The following HNF1B variants were observed in gnomAD, a reference collection of about 807,000 sequenced individuals.
HNF1B encodes hepatocyte nuclear factor 1-beta.
In HNF1B, 8 loss-of-function variants were observed where a neutral mutation model predicts 61.7. The ratio of observed to expected loss-of-function variants is 0.13; its 90% CI spans 0.08 to 0.23. The LOEUF (loss-of-function observed/expected upper bound fraction) is 0.23, where lower values mean the gene tolerates loss of function less well. Ranked by LOEUF, HNF1B falls within the 10% of genes least tolerant of loss-of-function variation. The pLI, the probability that HNF1B is intolerant of heterozygous loss-of-function variation, is 1.00. For synonymous variants in HNF1B, 314 were observed against 287.7 expected, an observed-to-expected ratio of 1.09 and a Z score of -0.93; for missense variants, 562 against 714.5, an observed-to-expected ratio of 0.79 and a Z score of 2.43.
Position 37,718,850 on chromosome 17 carries a change from T to C in HNF1B, c.1046-8187A>G, listed in dbSNP as rs752986909. Among the ~76,000 whole-genome samples, 9 of 152,378 alleles carry C rather than the reference T, an allele frequency of 5.9e-5. 1 individual carries two copies. The highest frequency in any genetic ancestry group is 6.5e-5 in the Admixed American group (1 of 15,300). On this transcript the variant is annotated intron_variant, in intron 4 of 8. Coordinates refer to ENST00000617811, the MANE Select transcript of HNF1B (RefSeq NM_000458.4). ...TAACCTATGCTTAAACTCTGACTGA[T>C]GACTCCACATCACTTTCACCTTTAG...
At position 37,686,841 on chromosome 17, in the gene HNF1B, C is replaced by T; in HGVS notation, c.*531G>A. 1 of 267,866 alleles carries T rather than the reference C, an allele frequency of 3.7e-6. No homozygotes were observed. The highest frequency in any genetic ancestry group is 4.5e-5 in the South Asian group (1 of 22,098). The allele number at this position is 267,866 out of a possible 1,614,324, so 16.6% of individuals were successfully genotyped here. A position where few individuals can be genotyped will look rare whatever the true frequency, so the allele number is the denominator to read the frequency against. The stretch of plus-strand genomic sequence containing the variant: ...TATACAGGGCAGAGGGGAGAGGACA[C>T]AGAGGGGAAATTGCACTTAATTACA... On this transcript the variant is annotated 3_prime_UTR_variant, in exon 9 of 9. Coordinates refer to ENST00000617811, the MANE Select transcript of HNF1B (RefSeq NM_000458.4).
At chr17:37,722,427 G>A (rs950738076) in intron 4 of HNF1B, among the ~76,000 whole-genome samples, 8 of 152,162 alleles carry the variant, frequency 5.3e-5, no homozygotes, top group Admixed American at 1.3e-4. Context: ...TCACACTGCC[G>A]GATAGTGACA....
chr17:37,699,006 A>G lies in HNF1B; in HGVS notation c.1653+70T>C, dbSNP rs192512489. The G allele has an allele frequency of 3.7e-5, 41 of 1,117,268 alleles. No homozygotes were observed. The African/African-American group carries it at 4.2e-4, about 11-fold the overall frequency. 69.2% of individuals were successfully genotyped at this position (1,117,268 alleles called of 1,614,324 possible). ...TCTGGCCGAGTCCATGCTTGCCACA[A>G]CCTCTGCACATCCATGGCCTTATCA... is the stretch of plus-strand genomic sequence containing the variant. On this transcript the variant is annotated intron_variant, in intron 8 of 8. Transcript: ENST00000617811.
chr17:37,691,241 G>A (rs2032192528), intron 8 of HNF1B, among the ~76,000 whole-genome samples: 1 of 152,186 alleles, frequency 6.6e-6, no homozygotes, highest in Admixed American at 6.5e-5. Flanking sequence ...AGAGAATTGA[G>A]GGTGAGGAAG....
chr17:37,740,330 C>A (rs1455153106), intron 1 of HNF1B, among the ~76,000 whole-genome samples: 2 of 152,136 alleles, frequency 1.3e-5, no homozygotes, highest in African/African-American at 4.8e-5. Flanking sequence ...AGGAGGCCCA[C>A]TGGAAAGTGG....
chr17:37,734,914 G>A (rs1364881612), intron 2 of HNF1B, among the ~76,000 whole-genome samples: 17 of 151,410 alleles, frequency 1.1e-4, no homozygotes, highest in Admixed American at 1.1e-3. Context: ...TCAGCCTCCT[G>A]AGTAGCTGGG....
chr17:37,728,777 G>T (rs1348544139), intron 4 of HNF1B: 2 of 152,660 alleles, frequency 1.3e-5, no homozygotes, highest in African/African-American at 2.4e-5. Context: ...TGCATGACTC[G>T]GGAGCCCTGT....
Position 37,704,911 on chromosome 17 carries a change from A to G in HNF1B, c.1339+6T>C, listed in dbSNP as rs535041745. The G allele has an allele frequency of 1.1e-5, 18 of 1,614,082 alleles. No homozygotes were observed. Among genetic ancestry groups the G allele is most frequent in the Admixed American group, 1.7e-5 (1 of 60,024 alleles). On this transcript the variant is annotated splice_donor_region_variant and intron_variant, in intron 6 of 8. Transcript: ENST00000617811. ...CCCAAGTTTTCCAACCAAGAATAGA[A>G]CTTACTTTGTGCAATTGCCATGACT...
intron 4 of HNF1B, among the ~76,000 whole-genome samples, chr17:37,712,794 G>A (rs1440631297): frequency 6.6e-6 from 1 of 152,166 alleles, no homozygotes; most frequent in Non-Finnish European, 1.5e-5. Context: ...TTTTGGATTA[G>A]AGGTAACATC....
chr17:37,695,014 C>A (rs1179680229), intron 8 of HNF1B, among the ~76,000 whole-genome samples: 1 of 152,196 alleles, frequency 6.6e-6, no homozygotes, highest in African/African-American at 2.4e-5. Context: ...ATTAGCTTGA[C>A]TAAAGAGGGC....
chr17:37,708,003 GAAC>G (rs2032808266), intron 5 of HNF1B, among the ~76,000 whole-genome samples: 1 of 152,122 alleles, frequency 6.6e-6, no homozygotes, highest in Non-Finnish European at 1.5e-5. Flanking sequence ...CTGACCCAAA[GAAC>G]AACAGTGCTA....
At chr17:37,700,847 T>C in intron 7 of HNF1B, 136 bp downstream of exon 7, 1 of 781,010 alleles carries the variant, frequency 1.3e-6, no homozygotes, top group South Asian at 1.5e-5. Context: ...TGAGAAATTG[T>C]CTTAGTCGGT....
chr17:37,744,454 G>C, intron 1 of HNF1B, 87 bp downstream of exon 1: 1 of 1,361,524 alleles, frequency 7.3e-7, no homozygotes, highest in Non-Finnish European at 1.0e-6. Flanking sequence ...CGGGCTTGGC[G>C]AGTGTGGTCG....
At chr17:37,730,671 A>G (rs927686687) in intron 4 of HNF1B, 6 of 152,226 alleles carry the variant, frequency 3.9e-5, no homozygotes, top group African/African-American at 1.2e-4. Flanking sequence ...CAGGTTTCAG[A>G]ATCACCCCTG....
At chr17:37,731,512 G>T in intron 4 of HNF1B, 83 bp downstream of exon 4, 1 of 1,189,492 alleles carries the variant, frequency 8.4e-7, no homozygotes, top group Non-Finnish European at 1.2e-6. Flanking sequence ...TTGCTCCTCT[G>T]AAAACCCTTA....
At chr17:37,744,446 G>A (rs1459289562) in intron 1 of HNF1B, 95 bp downstream of exon 1, 2 of 1,297,312 alleles carry the variant, frequency 1.5e-6, no homozygotes, top group East Asian at 2.3e-5. Flanking sequence ...GTGGGAAACG[G>A]GCTTGGCGAG....
chr17:37,716,244 CTG>C (rs2033105607), intron 4 of HNF1B, among the ~76,000 whole-genome samples: 1 of 152,180 alleles, frequency 6.6e-6, no homozygotes, highest in African/African-American at 2.4e-5. Flanking sequence ...GTCACCTAGT[CTG>C]GAGTACAGTG....
At chr17:37,718,757 T>C (rs2033207841) in intron 4 of HNF1B, among the ~76,000 whole-genome samples, 1 of 152,234 alleles carries the variant, frequency 6.6e-6, no homozygotes. Flanking sequence ...GTATTCTCCA[T>C]TTTCTTCTTG....
Position 37,739,513 on chromosome 17 carries a change from G to T in HNF1B, c.471C>A (p.Gly157=), listed in dbSNP as rs2033929515. The change falls in exon 2 of 9, where the codon GGC becomes GGA. Residue 157 remains glycine, a synonymous_variant. Transcript: ENST00000617811. ...CACGCTTCTGGGTCTTCATAGGGGTGCCCTTGTTGAGATGCTGGGAGAGGT... is the reference window on the plus strand; with the variant it reads ...CACGCTTCTGGGTCTTCATAGGGGTTCCCTTGTTGAGATGCTGGGAGAGGT... The part of the protein sequence containing the change: ...QSHLSQHLNK[G]TPMKTQKRAA... 6.2e-7 allele frequency: 1 copy of T among 1,614,130 alleles called. No homozygotes were observed. Among genetic ancestry groups the T allele is most frequent in the South Asian group, 1.1e-5 (1 of 91,078 alleles).
Sources: allele counts gnomAD v4.1 joint callset (sites outside exome capture counted in the v4.1 genomes callset), GRCh38; gene constraint gnomAD v4.1.1; transcripts MANE v1.5; gene names NCBI Gene and HGNC (gene_info 2026-07-23, HGNC 2026-07-21).